The following RADX variants were observed in gnomAD, a reference collection of about 807,000 sequenced individuals.
RADX encodes RPA1 related single stranded DNA binding protein, X-linked.
RADX carries 36 observed loss-of-function variants against 61.6 expected under a neutral mutation model. The observed-to-expected ratio is 0.58, with a 90% CI of 0.45 to 0.77. The LOEUF is 0.77. Among genes scored for constraint, RADX ranks in the 30% least tolerant of loss-of-function variants. The pLI, the probability that RADX is intolerant of heterozygous loss-of-function variation, is 0.00. For missense variants in RADX, 497 were observed against 651.1 expected (o/e 0.76, Z 2.58); for synonymous variants, 272 against 237.9 (o/e 1.14, Z -1.32).
chrX:106,625,245 C>A lies in RADX; in HGVS notation c.942C>A (p.Val314=). The A allele has an allele frequency of 8.4e-7, 1 of 1,186,253 alleles. No homozygotes were observed. Among genetic ancestry groups the A allele is most frequent in the Non-Finnish European group, 1.1e-6 (1 of 882,863 alleles). The part of the protein sequence containing the change: ...KKSYPFRIQP[V]PVDPQIKLIS... ...GTTATCCATTCAGAATACAGCCTGT[C>A]CCCGTGGATCCACAGATCAAACTAA... The change falls in exon 3 of 14, where the codon GTC becomes GTA. Residue 314 remains valine (V), a synonymous_variant. Transcript: ENST00000372548.
At chrX:106,641,225 C>A (rs1927505079) in intron 10 of RADX, among the ~76,000 whole-genome samples, 1 of 109,360 alleles carries the variant, frequency 9.1e-6, no homozygotes, top group Non-Finnish European at 1.9e-5. Flanking sequence ...AGGGTTAGGA[C>A]TTCATCATAT....
Position 106,639,671 on chromosome X carries a change from C to A in RADX, c.1718C>A (p.Ala573Glu). 8.4e-7 allele frequency: 1 copy of A among 1,184,349 alleles called. No homozygotes were observed. Among genetic ancestry groups the A allele is most frequent in the Non-Finnish European group, 1.1e-6 (1 of 882,548 alleles). The change falls in exon 9 of 14, where the codon GCA (alanine) becomes GAA (glutamate). Residue 573 changes from alanine (A) to glutamate (E), a missense_variant. Ala to Glu is a moderately radical substitution (Grantham distance 107). Coordinates refer to ENST00000372548, the MANE Select transcript of RADX (RefSeq NM_018015.6). ...PHSSATESAS[A>E]SETLRNANRP... Reference sequence around the variant, plus strand: ...AGCAGTGCGACTGAAAGTGCCTCAGCATCAGAAACACTTCGGGTATGGTGC... The same window carrying A: ...AGCAGTGCGACTGAAAGTGCCTCAGAATCAGAAACACTTCGGGTATGGTGC...
At chrX:106,629,651 A>G (rs944175730) in intron 3 of RADX, among the ~76,000 whole-genome samples, 15 of 111,834 alleles carry the variant, frequency 1.3e-4, no homozygotes, top group African/African-American at 4.9e-4. Context: ...CAGAGACTAG[A>G]CTAGAAAGTA....
chrX:106,613,072 T>C (rs1926718959), intron 1 of RADX, among the ~76,000 whole-genome samples: 1 of 112,291 alleles, frequency 8.9e-6, no homozygotes, highest in Admixed American at 9.4e-5. Flanking sequence ...CTTAGTTTTA[T>C]TCCCAATCCA....
chrX:106,657,411 C>G (rs182289459), intron 11 of RADX, among the ~76,000 whole-genome samples: 34 of 112,225 alleles, frequency 3.0e-4, no homozygotes, highest in African/African-American at 1.1e-3. Flanking sequence ...TGTTATCATT[C>G]ATGTGTTCAC....
chrX:106,633,191 A>G lies in RADX; in HGVS notation c.1242A>G (p.Gln414=). Residue 414 remains glutamine (Q), a synonymous_variant, in exon 6 of 14, where the codon CAA becomes CAG. Transcript: ENST00000372548. ...ACATTGCTGACGGTACTTCAGAACA[A>G]CCATTTATAGTGGAACTGTTTTCAA... ...WIHIADGTSE[Q]PFIVELFSTS... 1 of 1,205,122 alleles carries G rather than the reference A, an allele frequency of 8.3e-7. No homozygotes were observed. The highest frequency in any genetic ancestry group is 1.1e-6 in the Non-Finnish European group (1 of 889,658).
At chrX:106,632,403 T>C (rs1230852766) in intron 3 of RADX, among the ~76,000 whole-genome samples, 1 of 111,598 alleles carries the variant, frequency 9.0e-6, no homozygotes. Flanking sequence ...AAAGAAATGA[T>C]AGAACACAAA....
Position 106,661,939 on chromosome X carries a change from G to GT in RADX, c.1979-67dup, listed in dbSNP as rs746693780. The GT allele has an allele frequency of 2.5e-3, 2,183 of 875,723 alleles. 8 individuals carry two copies. Among genetic ancestry groups the GT allele is most frequent in the African/African-American group, 0.02 (993 of 48,794 alleles). The allele number at this position is 875,723 out of a possible 1,213,427, so 72.2% of individuals were successfully genotyped here. A position where few individuals can be genotyped will look rare whatever the true frequency, so the allele number is the denominator to read the frequency against. On this transcript the variant is annotated intron_variant, in intron 11 of 13. Coordinates refer to ENST00000372548, the MANE Select transcript of RADX (RefSeq NM_018015.6). ...TTAAACTCTTCCTCATTAATGTGTG[G>GT]TTTTTTTTTGCAGTGAATGACTTGA...
chrX:106,614,269 TA>T (rs1422721831), intron 1 of RADX, among the ~76,000 whole-genome samples: 2 of 111,495 alleles, frequency 1.8e-5, no homozygotes, highest in Admixed American at 9.5e-5. Context: ...TGTATTTTTT[TA>T]AAAAAAAGGA....
In RADX at chrX:106,678,607, G is replaced by A. The variant is rs755139371; in HGVS notation, c.*349G>A. The A allele has an allele frequency of 3.1e-4, 37 of 119,447 alleles. No individual in the cohort carries two copies. The highest frequency in any genetic ancestry group is 2.9e-3 in the Admixed American group (33 of 11,258). 9.8% of individuals were successfully genotyped at this position (119,447 alleles called of 1,213,427 possible). On this transcript the variant is annotated 3_prime_UTR_variant, in exon 14 of 14. Transcript: ENST00000372548. ...CAGTATAAGGCATCCTAACTTACAA[G>A]AGTAACTTTCCATGGACATTTAACA...
chrX:106,619,911 T>G (rs1926902283), intron 1 of RADX, among the ~76,000 whole-genome samples: 1 of 112,057 alleles, frequency 8.9e-6, no homozygotes. Context: ...TGATTCATTA[T>G]TTTTAGCTTT....
intron 11 of RADX, among the ~76,000 whole-genome samples, chrX:106,659,297 C>T (rs1169404742): frequency 9.0e-6 from 1 of 111,546 alleles, no homozygotes; most frequent in Admixed American, 9.5e-5. Flanking sequence ...CTCTTATCCA[C>T]GTAATGAAAT....
At chrX:106,669,000 T>C (rs990689838) in intron 12 of RADX, among the ~76,000 whole-genome samples, 163 bp from the exon 13 acceptor site, 1 of 112,083 alleles carries the variant, frequency 8.9e-6, no homozygotes, top group Non-Finnish European at 1.9e-5. Flanking sequence ...ATACCATGTA[T>C]TCATAAATTG....
At chrX:106,649,590 G>C (rs1927746890) in intron 11 of RADX, among the ~76,000 whole-genome samples, 1 of 111,775 alleles carries the variant, frequency 8.9e-6, no homozygotes, top group South Asian at 3.7e-4. Flanking sequence ...CAGGCACTGT[G>C]CTGAGCTTTA....
intron 1 of RADX, among the ~76,000 whole-genome samples, chrX:106,622,079 G>A (rs1473776516): frequency 9.2e-6 from 1 of 109,205 alleles, no homozygotes; most frequent in African/African-American, 3.3e-5. Context: ...TGGAGCTATA[G>A]GCACATGCCA....
At chrX:106,674,718 G>A (rs1049976413) in intron 13 of RADX, among the ~76,000 whole-genome samples, 1 of 111,684 alleles carries the variant, frequency 9.0e-6, no homozygotes, top group Non-Finnish European at 1.9e-5. Context: ...ATTTATTTTT[G>A]TGTAAAGAAT....
chrX:106,638,094 G>A (rs1394591045), intron 8 of RADX, 170 bp downstream of exon 8: 3 of 417,564 alleles, frequency 7.2e-6, no homozygotes, highest in Non-Finnish European at 1.2e-5. Flanking sequence ...TATATGTCAC[G>A]TATTTTCTAT....
intron 3 of RADX, among the ~76,000 whole-genome samples, chrX:106,626,773 T>G (rs1172256692): frequency 1.8e-5 from 2 of 112,289 alleles, no homozygotes; most frequent in Non-Finnish European, 3.8e-5. Flanking sequence ...ATATTTAAAA[T>G]GTACCTTTTG....
chrX:106,673,686 C>A (rs1490504643), intron 13 of RADX, among the ~76,000 whole-genome samples: 3 of 105,931 alleles, frequency 2.8e-5, no homozygotes, highest in Non-Finnish European at 3.9e-5. Context: ...CCATCCCCCC[C>A]CACACACACA....
Sources: allele counts gnomAD v4.1 joint callset (sites outside exome capture counted in the v4.1 genomes callset), GRCh38; gene constraint gnomAD v4.1.1; transcripts MANE v1.5; gene names NCBI Gene and HGNC (gene_info 2026-07-23, HGNC 2026-07-21).